The following LRRFIP1 variants were observed in gnomAD, a reference collection of about 807,000 sequenced individuals.
The protein encoded by LRRFIP1 is leucine-rich repeat flightless-interacting protein 1.
LRRFIP1 carries 62 observed loss-of-function variants against 104.4 expected under a neutral mutation model. That is an observed-to-expected ratio of 0.59 (90% CI 0.48 to 0.73). The LOEUF is 0.73. Ranked by LOEUF, LRRFIP1 falls within the 30% of genes least tolerant of loss-of-function variation. The probability of loss-of-function intolerance (pLI) is 0.00; values close to 1 mark genes in which losing one functional copy is unlikely to be tolerated. For synonymous variants in LRRFIP1, 300 were observed against 299.0 expected, an observed-to-expected ratio of 1.00 and a Z score of -0.03; for missense variants, 796 against 824.5, an observed-to-expected ratio of 0.97 and a Z score of 0.42.
intron 1 of LRRFIP1, among the ~76,000 whole-genome samples, chr2:237,635,854 T>C (rs1195996706): frequency 6.6e-6 from 1 of 151,964 alleles, no homozygotes; most frequent in East Asian, 1.9e-4. Context: ...ATTCCAACAA[T>C]TTGGGAGGGC....
Position 237,720,539 on chromosome 2 carries a change from C to T in LRRFIP1, c.295-233C>T, listed in dbSNP as rs561852612. ...TGCTGGGATTACAGGCATGACACCA[C>T]ACCTGGCCCTGAAATTACTTTAAAT... On this transcript the variant is annotated intron_variant, in intron 5 of 23. Coordinates refer to ENST00000308482, the MANE Select transcript of LRRFIP1 (RefSeq NM_001137550.2). Among the ~76,000 whole-genome samples the T allele has an allele frequency of 2.0e-5, 3 of 152,252 alleles. No homozygotes were observed. In the South Asian group the frequency reaches 6.2e-4, roughly 32 times the overall value.
intron 1 of LRRFIP1, among the ~76,000 whole-genome samples, chr2:237,690,790 C>T (rs953793273): frequency 6.6e-6 from 1 of 151,668 alleles, no homozygotes; most frequent in Non-Finnish European, 1.5e-5. Context: ...TTTAAATAAG[C>T]GTTACAGGGA....
intron 1 of LRRFIP1, among the ~76,000 whole-genome samples, chr2:237,697,797 CAG>C (rs570283024): frequency 8.1e-4 from 123 of 152,326 alleles, no homozygotes; most frequent in African/African-American, 2.9e-3. Context: ...GGAAACGGCA[CAG>C]GGGAGGCCCA....
rs1427674022 is a variant in LRRFIP1 at position 237,756,130 on chromosome 2, G to T, written c.1074G>T (p.Leu358=). Residue 358 remains leucine, a synonymous_variant, in exon 16 of 24, where the codon CTG becomes CTT. Transcript: ENST00000308482. ...GGGAAAAACACGCCCACAGTATACT[G>T]CAATTTCAGTTTGCTGAAGTCAAGG... ...FEREKHAHSI[L]QFQFAEVKEA... 1.9e-6 allele frequency: 3 copies of T among 1,613,862 alleles called. No individual in the cohort carries two copies. The highest frequency in any genetic ancestry group is 2.5e-6 in the Non-Finnish European group (3 of 1,179,940).
In LRRFIP1 at chr2:237,627,589, G is replaced by T; in HGVS notation, c.-56G>T. 1.9e-6 allele frequency: 2 copies of T among 1,062,612 alleles called. No individual in the cohort carries two copies. The highest frequency in any genetic ancestry group is 2.3e-6 in the Non-Finnish European group (2 of 856,686). The allele number at this position is 1,062,612 out of a possible 1,614,324, so 65.8% of individuals were successfully genotyped here. A position where few individuals can be genotyped will look rare whatever the true frequency, so the allele number is the denominator to read the frequency against. On this transcript the variant is annotated 5_prime_UTR_variant, in exon 1 of 24. Coordinates refer to ENST00000308482, the MANE Select transcript of LRRFIP1 (RefSeq NM_001137550.2). ...GGGGCCGGGGCCGGGGCCGGGCCGG[G>T]GCGGCGCGAGCGGCTGGAGCAACGG...
At chr2:237,727,609 G>T (rs1462685440) in intron 7 of LRRFIP1, among the ~76,000 whole-genome samples, 1 of 152,186 alleles carries the variant, frequency 6.6e-6, no homozygotes, top group Non-Finnish European at 1.5e-5. Flanking sequence ...GAGGGACTTG[G>T]TGCCACTTTA....
At chr2:237,695,103 T>C (rs2093080209) in intron 1 of LRRFIP1, among the ~76,000 whole-genome samples, 1 of 152,174 alleles carries the variant, frequency 6.6e-6, no homozygotes, top group Non-Finnish European at 1.5e-5. Context: ...CGTGGAATCA[T>C]ATGGTGTGTG....
At chr2:237,763,241 G>C (rs778177162) in intron 19 of LRRFIP1, 19 of 1,614,130 alleles carry the variant, frequency 1.2e-5, no homozygotes, top group Non-Finnish European at 1.6e-5. Context: ...AGGATTAAGG[G>C]ACGAGAAACC....
intron 1 of LRRFIP1, among the ~76,000 whole-genome samples, chr2:237,682,379 A>G (rs2149657787): frequency 6.6e-6 from 1 of 152,288 alleles, no homozygotes; most frequent in Non-Finnish European, 1.5e-5. Flanking sequence ...AAGCTGGAAG[A>G]GGTCAGGGGA....
intron 3 of LRRFIP1, among the ~76,000 whole-genome samples, chr2:237,716,706 G>A (rs528203387): frequency 6.6e-6 from 1 of 152,202 alleles, no homozygotes; most frequent in East Asian, 1.9e-4. Context: ...ATAATGATAC[G>A]GAAGTTTGCT....
chr2:237,655,197 G>T (rs1282612043), intron 1 of LRRFIP1, among the ~76,000 whole-genome samples: 1 of 76,312 alleles, frequency 1.3e-5, no homozygotes, highest in Non-Finnish European at 2.6e-5. Flanking sequence ...TGTAAGCTTC[G>T]CCTCCCAGGT....
chr2:237,665,036 A>G (rs1353027302), intron 1 of LRRFIP1, among the ~76,000 whole-genome samples: 3 of 152,256 alleles, frequency 2.0e-5, no homozygotes, highest in Non-Finnish European at 4.4e-5. Flanking sequence ...AGAATTTGTA[A>G]GTTCTTCACA....
chr2:237,748,524 C>G (rs1039340555), intron 12 of LRRFIP1, 125 bp downstream of exon 12: 2 of 854,884 alleles, frequency 2.3e-6, no homozygotes, highest in Non-Finnish European at 1.8e-6. Flanking sequence ...AGAAAGCGGC[C>G]CACCTAACCT....
In LRRFIP1 at chr2:237,748,249, A is replaced by G. The variant is rs138340570; in HGVS notation, c.634-115A>G. 306 of 852,994 alleles carry G rather than the reference A, an allele frequency of 3.6e-4. 5 individuals carry two copies. The African/African-American group carries it at 4.5e-3, about 13-fold the overall frequency. 52.8% of individuals were successfully genotyped at this position (852,994 alleles called of 1,614,324 possible). A position where few individuals can be genotyped will look rare whatever the true frequency, so the allele number is the denominator to read the frequency against. ...GAGTGTCCCATTTTTCTGCTTCTAA[A>G]TTACAAAGGAAGCAAATGTTTTGTT... On this transcript the variant is annotated intron_variant, in intron 11 of 23. Transcript: ENST00000308482.
chr2:237,763,731 A>T, intron 19 of LRRFIP1: 3 of 1,614,254 alleles, frequency 1.9e-6, no homozygotes, highest in Non-Finnish European at 2.5e-6. Flanking sequence ...GTACTAGCTG[A>T]TGGAGACACA....
chr2:237,778,133 C>G (rs994180170), intron 23 of LRRFIP1, among the ~76,000 whole-genome samples: 7 of 152,160 alleles, frequency 4.6e-5, no homozygotes, highest in African/African-American at 1.7e-4. Flanking sequence ...GACTCTCACT[C>G]AAATGGTTTG....
chr2:237,632,667 G>A (rs762074439), intron 1 of LRRFIP1, among the ~76,000 whole-genome samples: 1 of 152,208 alleles, frequency 6.6e-6, no homozygotes, highest in Non-Finnish European at 1.5e-5. Context: ...GGAGAACCAA[G>A]CTGGGGATGG....
At chr2:237,713,279 C>T (rs557163765) in intron 2 of LRRFIP1, among the ~76,000 whole-genome samples, 13 of 152,118 alleles carry the variant, frequency 8.5e-5, no homozygotes, top group Non-Finnish European at 1.5e-4. Flanking sequence ...ACACAGACGG[C>T]GAGAACCCAC....
chr2:237,726,321 G>C (rs1026975121), intron 7 of LRRFIP1, among the ~76,000 whole-genome samples: 3 of 152,150 alleles, frequency 2.0e-5, no homozygotes, highest in Non-Finnish European at 4.4e-5. Context: ...AAAGTTTTAT[G>C]AATCTGGATT....
Sources: allele counts gnomAD v4.1 joint callset (sites outside exome capture counted in the v4.1 genomes callset), GRCh38; gene constraint gnomAD v4.1.1; transcripts MANE v1.5; gene names NCBI Gene and HGNC (gene_info 2026-07-23, HGNC 2026-07-21).